CNTNAP5: variants seen among roughly 807,000 people sequenced by gnomAD.
CNTNAP5 encodes contactin associated protein family member 5.
In CNTNAP5, 72 loss-of-function variants were observed where a neutral mutation model predicts 150.2. The ratio of observed to expected loss-of-function variants is 0.48; its 90% CI spans 0.40 to 0.58. The LOEUF is 0.58. Ranked by LOEUF, CNTNAP5 falls within the 20% of genes least tolerant of loss-of-function variation. The probability of loss-of-function intolerance (pLI) is 0.00; values close to 1 mark genes in which losing one functional copy is unlikely to be tolerated. For missense variants in CNTNAP5, 1,636 were observed against 1,626.2 expected (o/e 1.01, Z -0.10); for synonymous variants, 672 against 619.8 (o/e 1.08, Z -1.25).
At chr2:124,068,910 C>A (rs1326093102) in intron 1 of CNTNAP5, among the ~76,000 whole-genome samples, 1 of 151,980 alleles carries the variant, frequency 6.6e-6, no homozygotes, top group African/African-American at 2.4e-5. Context: ...GATTAAAGAA[C>A]TCTTGGGCCC....
intron 1 of CNTNAP5, among the ~76,000 whole-genome samples, chr2:124,175,497 G>A (rs1056221038): frequency 3.3e-5 from 5 of 151,934 alleles, no homozygotes; most frequent in African/African-American, 9.7e-5. Context: ...TGTTACATGG[G>A]TATATTGCAC....
intron 1 of CNTNAP5, among the ~76,000 whole-genome samples, chr2:124,205,752 G>A (rs1685847602): frequency 6.6e-6 from 1 of 152,198 alleles, no homozygotes. Context: ...CTTCAGAGTA[G>A]CATGAGAATG....
At position 124,511,129 on chromosome 2, in the gene CNTNAP5, A is replaced by G. The variant is rs186630245; in HGVS notation, c.1327+6573A>G. ...GGAGATGCTTAGAATGGAGTTTAGT[A>G]TTTTTCAAAACAACCTGAATTACTA... On this transcript the variant is annotated intron_variant, in intron 8 of 23. Coordinates refer to ENST00000682447, the MANE Select transcript of CNTNAP5 (RefSeq NM_001367498.1). 5.9e-5 allele frequency among the ~76,000 whole-genome samples: 9 copies of G among 152,236 alleles called. No homozygotes were observed. The East Asian group carries it at 1.7e-3, about 29-fold the overall frequency.
chr2:124,911,191 C>T lies in CNTNAP5; in HGVS notation c.3656-276C>T, dbSNP rs577157929. Among the ~76,000 whole-genome samples the T allele has an allele frequency of 1.1e-4, 16 of 152,052 alleles. No individual in the cohort carries two copies. In the South Asian group the frequency reaches 2.9e-3, roughly 28 times the overall value. On this transcript the variant is annotated intron_variant, in intron 22 of 23. Coordinates refer to ENST00000682447, the MANE Select transcript of CNTNAP5 (RefSeq NM_001367498.1). Reference sequence around the variant, plus strand: ...GGGGACATTAGGAGCAGGGTGAGGGCATGTGGACAGGATACCACCATCCTC... The same window carrying T: ...GGGGACATTAGGAGCAGGGTGAGGGTATGTGGACAGGATACCACCATCCTC...
intron 13 of CNTNAP5, among the ~76,000 whole-genome samples, chr2:124,716,525 T>C (rs535078790): frequency 2.0e-5 from 3 of 151,900 alleles, no homozygotes; most frequent in South Asian, 4.1e-4. Flanking sequence ...TCTAAATATC[T>C]TTAATAGAAT....
At chr2:124,644,618 T>C (rs1678165393) in intron 12 of CNTNAP5, among the ~76,000 whole-genome samples, 1 of 152,178 alleles carries the variant, frequency 6.6e-6, no homozygotes, top group Admixed American at 6.5e-5. Context: ...TTAGTAAATA[T>C]GGAGACCAAT....
chr2:124,156,693 C>T (rs1684556712), intron 1 of CNTNAP5, among the ~76,000 whole-genome samples: 1 of 152,118 alleles, frequency 6.6e-6, no homozygotes, highest in Non-Finnish European at 1.5e-5. Context: ...CGGGGTTTCT[C>T]CATGTTGGCC....
intron 13 of CNTNAP5, among the ~76,000 whole-genome samples, chr2:124,715,803 T>C (rs547940955): frequency 6.6e-6 from 1 of 152,132 alleles, no homozygotes; most frequent in Non-Finnish European, 1.5e-5. Flanking sequence ...AGATTGGATA[T>C]GGGGGAACAG....
intron 1 of CNTNAP5, among the ~76,000 whole-genome samples, chr2:124,219,642 T>C (rs1006310405): frequency 6.6e-6 from 1 of 152,132 alleles, no homozygotes; most frequent in Non-Finnish European, 1.5e-5. Context: ...TCACTTTTTT[T>C]CCACATTCAT....
chr2:124,278,920 A>G (rs995010425), intron 3 of CNTNAP5, among the ~76,000 whole-genome samples: 1 of 152,142 alleles, frequency 6.6e-6, no homozygotes, highest in African/African-American at 2.4e-5. Context: ...TTGTTTATAC[A>G]TCAGTTTAGG....
chr2:124,497,075 G>A (rs369526232), intron 7 of CNTNAP5, among the ~76,000 whole-genome samples: 20 of 152,150 alleles, frequency 1.3e-4, no homozygotes, highest in Non-Finnish European at 2.4e-4. Flanking sequence ...TTGAGAATCC[G>A]CTAGAGACCA....
chr2:124,816,717 A>G (rs1258228786), intron 19 of CNTNAP5, among the ~76,000 whole-genome samples: 1 of 151,742 alleles, frequency 6.6e-6, no homozygotes, highest in Admixed American at 6.6e-5. Flanking sequence ...ACCTCAGGTG[A>G]TCCACCCGCC....
chr2:124,480,915 A>T (rs1185695710), intron 7 of CNTNAP5, among the ~76,000 whole-genome samples: 3 of 152,200 alleles, frequency 2.0e-5, no homozygotes, highest in Admixed American at 2.0e-4. Flanking sequence ...TTGGAATTAA[A>T]TAGTTTCAAG....
At chr2:124,308,264 A>C (rs1688739794) in intron 3 of CNTNAP5, among the ~76,000 whole-genome samples, 1 of 152,046 alleles carries the variant, frequency 6.6e-6, no homozygotes, top group Non-Finnish European at 1.5e-5. Flanking sequence ...CACATACCTA[A>C]ACTGCCAGTC....
At chr2:124,744,724 T>A (rs1680568512) in intron 13 of CNTNAP5, among the ~76,000 whole-genome samples, 1 of 152,156 alleles carries the variant, frequency 6.6e-6, no homozygotes, top group South Asian at 2.1e-4. Context: ...AAGTTCAATT[T>A]CTGCAATGGC....
At chr2:124,676,999 CAT>C (rs1439324928) in intron 13 of CNTNAP5, among the ~76,000 whole-genome samples, 2 of 152,118 alleles carry the variant, frequency 1.3e-5, no homozygotes, top group Non-Finnish European at 2.9e-5. Flanking sequence ...TTTTGGAAGA[CAT>C]AATATGTCCG....
In CNTNAP5 at chr2:124,374,896, G is replaced by T. The variant is rs542201213; in HGVS notation, c.382-42547G>T. On this transcript the variant is annotated intron_variant, in intron 3 of 23. Transcript: ENST00000682447. ...GAAGGCCTATCTCAAGGACACAGAA[G>T]TCAAGCTAATAAGAGCTCCCAAACT... is the stretch of plus-strand genomic sequence containing the variant. 3.9e-5 allele frequency among the ~76,000 whole-genome samples: 6 copies of T among 152,082 alleles called. No homozygotes were observed. In the East Asian group the frequency reaches 1.2e-3, roughly 30 times the overall value.
chr2:124,396,734 T>C (rs556957876), intron 3 of CNTNAP5, among the ~76,000 whole-genome samples: 2 of 152,328 alleles, frequency 1.3e-5, no homozygotes, highest in South Asian at 2.1e-4. Flanking sequence ...GTAAATTCAC[T>C]GGTAATGTGA....
At chr2:124,758,827 G>A (rs1279742397) in intron 14 of CNTNAP5, among the ~76,000 whole-genome samples, 1 of 152,090 alleles carries the variant, frequency 6.6e-6, no homozygotes, top group African/African-American at 2.4e-5. Context: ...CAGAAGATGA[G>A]ATTCAGGATA....
Sources: allele counts gnomAD v4.1 joint callset (sites outside exome capture counted in the v4.1 genomes callset), GRCh38; gene constraint gnomAD v4.1.1; transcripts MANE v1.5; gene names NCBI Gene and HGNC (gene_info 2026-07-23, HGNC 2026-07-21).